The following LAMA2 variants were observed in gnomAD, a reference collection of about 807,000 sequenced individuals.
LAMA2 encodes laminin subunit alpha-2.
LAMA2 carries 269 observed loss-of-function variants against 364.8 expected under a neutral mutation model. The ratio of observed to expected loss-of-function variants is 0.74; its 90% CI spans 0.67 to 0.82. The LOEUF is 0.82. Among genes scored for constraint, LAMA2 ranks in the 40% least tolerant of loss-of-function variants. The pLI, the probability that LAMA2 is intolerant of heterozygous loss-of-function variation, is 0.00. For synonymous variants in LAMA2, 1,379 were observed against 1,370.6 expected, an observed-to-expected ratio of 1.01 and a Z score of -0.14; for missense variants, 3,807 against 3,873.2, an observed-to-expected ratio of 0.98 and a Z score of 0.45.
At chr6:129,324,447 A>G (rs1775150941) in intron 28 of LAMA2, among the ~76,000 whole-genome samples, 1 of 152,210 alleles carries the variant, frequency 6.6e-6, no homozygotes, top group East Asian at 1.9e-4. Flanking sequence ...ACACACCTAC[A>G]CAGCAATTCA....
At chr6:129,239,070 G>C (rs111605535) in intron 12 of LAMA2, among the ~76,000 whole-genome samples, 17 of 152,270 alleles carry the variant, frequency 1.1e-4, no homozygotes, top group Non-Finnish European at 2.4e-4. Flanking sequence ...ACAATAACAG[G>C]AACAATGATA....
At chr6:128,970,942 T>A (rs1782152309) in intron 1 of LAMA2, among the ~76,000 whole-genome samples, 1 of 152,158 alleles carries the variant, frequency 6.6e-6, no homozygotes, top group Non-Finnish European at 1.5e-5. Flanking sequence ...GTAGTGATGG[T>A]TTTACTGGTA....
chr6:129,388,659 G>T (rs1779156127), intron 35 of LAMA2, among the ~76,000 whole-genome samples: 1 of 151,712 alleles, frequency 6.6e-6, no homozygotes. Flanking sequence ...TATTTCTTAT[G>T]AAAGCTGATT....
chr6:129,486,067 A>C (rs1274761032), intron 55 of LAMA2, among the ~76,000 whole-genome samples: 1 of 152,232 alleles, frequency 6.6e-6, no homozygotes, highest in Non-Finnish European at 1.5e-5. Flanking sequence ...ATTGAAGTCT[A>C]AATACTCAGA....
intron 17 of LAMA2, among the ~76,000 whole-genome samples, chr6:129,279,153 T>C (rs1338191470): frequency 6.6e-6 from 1 of 152,170 alleles, no homozygotes; most frequent in East Asian, 1.9e-4. Context: ...CATTTCCCTT[T>C]AAAACGGTAG....
At chr6:129,279,933 G>A in intron 17 of LAMA2, 128 bp from the exon 18 acceptor site, 1 of 730,494 alleles carries the variant, frequency 1.4e-6, no homozygotes, top group Admixed American at 2.0e-5. Flanking sequence ...CTCTGTCTCT[G>A]GGGTGAGAAT....
intron 45 of LAMA2, among the ~76,000 whole-genome samples, chr6:129,451,922 T>C (rs1178727102): frequency 1.3e-5 from 2 of 152,186 alleles, no homozygotes; most frequent in African/African-American, 2.4e-5. Context: ...GTAATGATGA[T>C]GCTAGTTGGT....
intron 61 of LAMA2, among the ~76,000 whole-genome samples, chr6:129,505,787 C>T (rs574796903): frequency 1.3e-5 from 2 of 152,124 alleles, no homozygotes; most frequent in African/African-American, 4.8e-5. Flanking sequence ...CTGCCTCGGC[C>T]TCCCAAAGTG....
chr6:129,117,599 C>T (rs115005052), intron 4 of LAMA2, among the ~76,000 whole-genome samples: 1,887 of 152,274 alleles, frequency 0.012, 35 homozygotes, highest in African/African-American at 0.043. Context: ...AGCAGAGAGG[C>T]GGCCCGTTGC....
At chr6:129,282,113 T>C (rs1788760387) in intron 18 of LAMA2, among the ~76,000 whole-genome samples, 1 of 152,150 alleles carries the variant, frequency 6.6e-6, no homozygotes, top group African/African-American at 2.4e-5. Context: ...ATTTAAAAAC[T>C]AAATCAACAT....
intron 36 of LAMA2, among the ~76,000 whole-genome samples, chr6:129,392,759 C>T (rs1209433767): frequency 6.6e-6 from 1 of 152,130 alleles, no homozygotes; most frequent in Non-Finnish European, 1.5e-5. Flanking sequence ...TCTTAAAACT[C>T]ATTTCATCAA....
At chr6:129,112,954 G>GGAAAAC (rs1396149807) in intron 4 of LAMA2, among the ~76,000 whole-genome samples, 1 of 151,740 alleles carries the variant, frequency 6.6e-6, no homozygotes, top group East Asian at 1.9e-4. Flanking sequence ...ATACACTTAG[G>GGAAAAC]GAAAACAAAA....
Position 129,031,283 on chromosome 6 carries a change from G to T in LAMA2, c.113-18635G>T, listed in dbSNP as rs146252362. On this transcript the variant is annotated intron_variant, in intron 1 of 64. Transcript: ENST00000421865. ...AAAACAGAATTAGATGCTTGAGTCA[G>T]CTATGAAATACTTTTTCATGCAACA... Among the ~76,000 whole-genome samples, 4 of 152,228 alleles carry T rather than the reference G, an allele frequency of 2.6e-5. No individual in the cohort carries two copies. In the East Asian group the frequency reaches 7.7e-4, roughly 29 times the overall value.
chr6:129,036,885 A>AT (rs1422754011), intron 1 of LAMA2, among the ~76,000 whole-genome samples: 1 of 152,150 alleles, frequency 6.6e-6, no homozygotes, highest in African/African-American at 2.4e-5. Flanking sequence ...AATTGGGCTG[A>AT]TTTTCCAGTT....
At chr6:129,112,950 T>C (rs2114903847) in intron 4 of LAMA2, among the ~76,000 whole-genome samples, 1 of 152,136 alleles carries the variant, frequency 6.6e-6, no homozygotes, top group African/African-American at 2.4e-5. Flanking sequence ...AAACATACAC[T>C]TAGGGAAAAC....
At chr6:129,280,255 C>G in intron 18 of LAMA2, 108 bp downstream of exon 18, 1 of 749,656 alleles carries the variant, frequency 1.3e-6, no homozygotes, top group Non-Finnish European at 2.4e-6. Context: ...AGGCCACACT[C>G]AATGAGGTGA....
At chr6:129,267,299 T>A in intron 16 of LAMA2, 80 bp downstream of exon 16, 1 of 958,962 alleles carries the variant, frequency 1.0e-6, no homozygotes, top group East Asian at 2.4e-5. Context: ...GCTACTACCC[T>A]GGGGACCTTA....
intron 51 of LAMA2, among the ~76,000 whole-genome samples, chr6:129,469,825 G>A (rs1783722085): frequency 6.6e-6 from 1 of 151,544 alleles, no homozygotes; most frequent in African/African-American, 2.4e-5. Context: ...ATCCAAATAG[G>A]CAGACAAAAA....
At chr6:129,506,982 A>C (rs1308473802) in intron 61 of LAMA2, among the ~76,000 whole-genome samples, 2 of 152,068 alleles carry the variant, frequency 1.3e-5, no homozygotes, top group Non-Finnish European at 2.9e-5. Context: ...GCAAACTTTC[A>C]AGTTTTATGC....
Sources: gnomAD v4.1 joint callset for allele counts (sites outside exome capture counted in the v4.1 genomes callset) on GRCh38, gnomAD v4.1.1 for gene constraint, MANE v1.5 for transcripts, NCBI Gene and HGNC (gene_info 2026-07-23, HGNC 2026-07-21) for gene names.